The following TTC7B variants were observed in gnomAD, a reference collection of about 807,000 sequenced individuals.
TTC7B encodes tetratricopeptide repeat protein 7B.
Under a neutral mutation model 106.8 loss-of-function variants are expected in TTC7B, and 28 were observed. The observed-to-expected ratio is 0.26, with a 90% CI of 0.19 to 0.36. The LOEUF is 0.36. Ranked by LOEUF, TTC7B falls within the 10% of genes least tolerant of loss-of-function variation. The pLI is 1.00. For missense variants in TTC7B, 862 were observed against 1,076.4 expected (o/e 0.80, Z 2.79); for synonymous variants, 405 against 430.6 (o/e 0.94, Z 0.74).
chr14:90,789,706 C>A (rs1237125883), intron 1 of TTC7B, among the ~76,000 whole-genome samples: 2 of 151,886 alleles, frequency 1.3e-5, no homozygotes. Flanking sequence ...ACCATCCTGG[C>A]TAACACGGTG....
intron 15 of TTC7B, among the ~76,000 whole-genome samples, chr14:90,630,090 C>A (rs1221150666): frequency 6.6e-6 from 1 of 152,208 alleles, no homozygotes. Context: ...GGAGGATCCT[C>A]TCATAAACAA....
At chr14:90,590,358 C>A (rs1385253828) in intron 18 of TTC7B, among the ~76,000 whole-genome samples, 1 of 152,148 alleles carries the variant, frequency 6.6e-6, no homozygotes, top group Non-Finnish European at 1.5e-5. Context: ...AGGTCATCTC[C>A]GAGTGACCTT....
chr14:90,545,316 G>T (rs139079603), intron 19 of TTC7B, among the ~76,000 whole-genome samples: 2 of 152,356 alleles, frequency 1.3e-5, no homozygotes, highest in East Asian at 3.9e-4. Context: ...CAGGAAAGGG[G>T]CGTCTGCCAT....
intron 19 of TTC7B, among the ~76,000 whole-genome samples, chr14:90,566,041 C>T (rs768685227): frequency 1.2e-4 from 18 of 152,108 alleles, no homozygotes; most frequent in Non-Finnish European, 2.6e-4. Context: ...ACACAGTGAG[C>T]ATGTGCTGTT....
chr14:90,677,996 C>G (rs1413796764), intron 8 of TTC7B, among the ~76,000 whole-genome samples: 1 of 147,732 alleles, frequency 6.8e-6, no homozygotes, highest in Non-Finnish European at 1.5e-5. Context: ...CTGAAGGAAA[C>G]AGGGGCCTGT....
At chr14:90,623,581 A>C (rs2139855890) in intron 15 of TTC7B, among the ~76,000 whole-genome samples, 1 of 152,368 alleles carries the variant, frequency 6.6e-6, no homozygotes, top group East Asian at 1.9e-4. Context: ...CCAATTGGAG[A>C]AAAAGACTTG....
intron 5 of TTC7B, chr14:90,699,056 C>T (rs1348190449): frequency 7.5e-6 from 3 of 399,320 alleles, no homozygotes; most frequent in East Asian, 1.6e-4. Context: ...CCCTCCCTCT[C>T]GACCCTCTGT....
intron 9 of TTC7B, among the ~76,000 whole-genome samples, chr14:90,671,083 CT>C (rs1422458675): frequency 6.6e-6 from 1 of 152,190 alleles, no homozygotes; most frequent in Non-Finnish European, 1.5e-5. Flanking sequence ...GTCATGCCCA[CT>C]GATACCTTCT....
chr14:90,598,398 T>A (rs1381273094), intron 17 of TTC7B, among the ~76,000 whole-genome samples: 2 of 152,162 alleles, frequency 1.3e-5, no homozygotes, highest in Non-Finnish European at 2.9e-5. Context: ...AGAGGCAAAG[T>A]GCCACCTGAA....
chr14:90,537,120 A>C lies in TTC7B; in HGVS notation c.*4248T>G, dbSNP rs1448373761. On this transcript the variant is annotated 3_prime_UTR_variant, in exon 20 of 20. Transcript: ENST00000328459. ...ACAGCCCCACTGAAAGCTTGATTTG[A>C]CTTCTGACCTCCAAAACAAAGAGAA... 1 of 152,236 alleles carries C rather than the reference A, an allele frequency of 6.6e-6. No individual in the cohort carries two copies. The highest frequency in any genetic ancestry group is 1.5e-5 in the Non-Finnish European group (1 of 68,040). 9.4% of individuals were successfully genotyped at this position (152,236 alleles called of 1,614,324 possible).
intron 9 of TTC7B, among the ~76,000 whole-genome samples, chr14:90,662,396 A>ACT (rs2139906441): frequency 6.6e-6 from 1 of 152,292 alleles, no homozygotes; most frequent in African/African-American, 2.4e-5. Flanking sequence ...GTGCAGATGG[A>ACT]TAAGTTACTT....
intron 15 of TTC7B, among the ~76,000 whole-genome samples, chr14:90,641,937 G>GTGCA (rs1019637260): frequency 1.9e-5 from 2 of 106,402 alleles, no homozygotes; most frequent in African/African-American, 7.7e-5. Flanking sequence ...GTGTGTGCGT[G>GTGCA]TGTGTGTGTG....
rs1476639544 is a variant in TTC7B, at chr14:90,540,293, T to A, written c.*1075A>T. 6.6e-6 allele frequency: 1 copy of A among 152,208 alleles called. No homozygotes were observed. The highest frequency in any genetic ancestry group is 1.5e-5 in the Non-Finnish European group (1 of 68,102). The allele number at this position is 152,208 out of a possible 1,614,324, so 9.4% of individuals were successfully genotyped here. ...AACAAACAAAATTAGCCGGGCATGC[T>A]AGTGTGCGCCTGTGATCCCAGCTAC... is the stretch of plus-strand genomic sequence containing the variant. On this transcript the variant is annotated 3_prime_UTR_variant, in exon 20 of 20. Coordinates refer to ENST00000328459, the MANE Select transcript of TTC7B (RefSeq NM_001010854.2).
At chr14:90,721,830 A>G (rs895766931) in intron 5 of TTC7B, among the ~76,000 whole-genome samples, 2 of 152,236 alleles carry the variant, frequency 1.3e-5, no homozygotes, top group Non-Finnish European at 2.9e-5. Flanking sequence ...GGTCTGACTC[A>G]TTCACTTAGA....
chr14:90,558,939 C>T (rs1000868500), intron 19 of TTC7B, among the ~76,000 whole-genome samples: 143 of 152,220 alleles, frequency 9.4e-4, no homozygotes, highest in African/African-American at 3.3e-3. Context: ...GAGCAACTGC[C>T]GCCTGGAAAC....
At chr14:90,801,796 C>A (rs556391708) in intron 1 of TTC7B, among the ~76,000 whole-genome samples, 4 of 152,144 alleles carry the variant, frequency 2.6e-5, no homozygotes, top group African/African-American at 7.2e-5. Flanking sequence ...TGGCTCACGC[C>A]TGTAATCCCA....
At chr14:90,593,411 C>T in intron 18 of TTC7B, 75 bp downstream of exon 18, 3 of 1,479,158 alleles carry the variant, frequency 2.0e-6, no homozygotes, top group South Asian at 1.4e-5. Context: ...CAGGCTCTGG[C>T]ACAGCAGCGG....
chr14:90,699,581 G>C (rs1317388612), intron 5 of TTC7B, among the ~76,000 whole-genome samples: 1 of 152,188 alleles, frequency 6.6e-6, no homozygotes, highest in Non-Finnish European at 1.5e-5. Flanking sequence ...GGGTAATGAG[G>C]AAAAGGAGGC....
chr14:90,573,216 A>G (rs1445119445), intron 19 of TTC7B, among the ~76,000 whole-genome samples: 2 of 152,176 alleles, frequency 1.3e-5, no homozygotes, highest in Non-Finnish European at 2.9e-5. Context: ...GTGAAATATA[A>G]TGGCCTCCGT....
Sources: allele counts gnomAD v4.1 joint callset (sites outside exome capture counted in the v4.1 genomes callset), GRCh38; gene constraint gnomAD v4.1.1; transcripts MANE v1.5; gene names NCBI Gene and HGNC (gene_info 2026-07-23, HGNC 2026-07-21).